The following PRKCD variants were observed in gnomAD, a reference collection of about 807,000 sequenced individuals.
PRKCD encodes protein kinase C delta type.
A neutral mutation model predicts 82.2 loss-of-function variants in PRKCD; 20 were observed. The observed-to-expected ratio is 0.24, with a 90% CI of 0.17 to 0.35. PRKCD has a LOEUF of 0.35. PRKCD is among the 10% of genes least tolerant of loss of function. PRKCD has a pLI of 1.00. For synonymous variants in PRKCD, 317 were observed against 337.0 expected (o/e 0.94, Z 0.65); for missense variants, 607 against 899.0 (o/e 0.68, Z 4.15).
At chr3:53,178,569 C>A in intron 3 of PRKCD, 32 bp downstream of exon 3, 1 of 1,571,418 alleles carries the variant, frequency 6.4e-7, no homozygotes, top group Non-Finnish European at 8.7e-7. Context: ...TGGAGAGGGG[C>A]TGGGAATCTG....
chr3:53,181,439 ACCAGAT>A lies in PRKCD; in HGVS notation c.377-4_378del. On this transcript the variant is annotated splice_acceptor_variant and splice_polypyrimidine_tract_variant and coding_sequence_variant and intron_variant, in exon 6 of 19. Transcript: ENST00000330452. LOFTEE classifies it high-confidence loss of function. ...GGGCTGACTTCCCTACTCCATGGTCACCAGATTGCAAACAGTCTATGCGCAGTGAGG... is the reference window on the plus strand; with the variant it reads ...GGGCTGACTTCCCTACTCCATGGTCATGCAAACAGTCTATGCGCAGTGAGG... 5 of 1,614,156 alleles carry A rather than the reference ACCAGAT, an allele frequency of 3.1e-6. No individual in the cohort carries two copies. The highest frequency in any genetic ancestry group is 3.4e-6 in the Non-Finnish European group (4 of 1,179,994).
At chr3:53,162,633 G>A (rs1197954659) in intron 1 of PRKCD, among the ~76,000 whole-genome samples, 2 of 151,906 alleles carry the variant, frequency 1.3e-5, no homozygotes, top group Non-Finnish European at 2.9e-5. Context: ...GTGTCCTGAG[G>A]CTCTGTGTGT....
chr3:53,170,924 T>C (rs1307189062), intron 2 of PRKCD, among the ~76,000 whole-genome samples: 1 of 150,688 alleles, frequency 6.6e-6, no homozygotes, highest in Non-Finnish European at 1.5e-5. Context: ...AGCCGGTGAG[T>C]GCATGTGTGT....
chr3:53,170,250 A>G (rs1427177494), intron 2 of PRKCD, among the ~76,000 whole-genome samples: 2 of 152,198 alleles, frequency 1.3e-5, no homozygotes, highest in African/African-American at 2.4e-5. Context: ...TGGAGGCCAG[A>G]TGGGCAGTTC....
chr3:53,178,216 G>C (rs1203333227), intron 2 of PRKCD, among the ~76,000 whole-genome samples, 188 bp from the exon 3 acceptor site: 1 of 152,152 alleles, frequency 6.6e-6, no homozygotes, highest in Non-Finnish European at 1.5e-5. Flanking sequence ...GGGATTACAG[G>C]CGTCAGCCAC....
chr3:53,179,376 G>A (rs1703335866), intron 3 of PRKCD: 7 of 732,604 alleles, frequency 9.6e-6, no homozygotes, highest in African/African-American at 3.4e-5. Flanking sequence ...AGAGGAAGAG[G>A]GAACAGCAGG....
At chr3:53,171,495 C>T (rs782357716) in intron 2 of PRKCD, among the ~76,000 whole-genome samples, 6 of 152,256 alleles carry the variant, frequency 3.9e-5, no homozygotes, top group Non-Finnish European at 7.3e-5. Flanking sequence ...TCCAGCCCCC[C>T]TCACTCCCTG....
rs897464155 is a variant in PRKCD at position 53,187,497 on chromosome 3, G to C, written c.1415+95G>C. On this transcript the variant is annotated intron_variant, in intron 15 of 18. Coordinates refer to ENST00000330452, the MANE Select transcript of PRKCD (RefSeq NM_006254.4). ...TCCAAGCAGGATCCCCCCAACTCCA[G>C]TTCCTTCTCTGCTGGAAATCAATCT... is the stretch of plus-strand genomic sequence containing the variant. 14 of 1,366,300 alleles carry C rather than the reference G, an allele frequency of 1.0e-5. No individual in the cohort carries two copies. In the African/African-American group the frequency reaches 1.4e-4, roughly 14 times the overall value. 84.6% of individuals were successfully genotyped at this position (1,366,300 alleles called of 1,614,324 possible).
rs183761907 is a variant in PRKCD, at chr3:53,169,199, G to A, written c.-20+3984G>A. Among the ~76,000 whole-genome samples the A allele has an allele frequency of 1.3e-4, 20 of 152,210 alleles. No homozygotes were observed. Among genetic ancestry groups the A allele is most frequent in the African/African-American group, 1.9e-4 (8 of 41,516 alleles). The stretch of plus-strand genomic sequence containing the variant: ...TGAGGAGCGCTGGGAGGGGAACGGC[G>A]GGGGACTGGTGTGGGCAGGCTTGAG... On this transcript the variant is annotated intron_variant, in intron 2 of 18. Coordinates refer to ENST00000330452, the MANE Select transcript of PRKCD (RefSeq NM_006254.4). The surrounding 1 kb of genome is among the most constrained non-coding windows in gnomAD (Gnocchi z 4.7).
In PRKCD at chr3:53,188,985, G is replaced by C. The variant is rs572490633; in HGVS notation, c.1555-73G>C. 3.9e-5 allele frequency: 62 copies of C among 1,571,408 alleles called. No homozygotes were observed. In the East Asian group the frequency reaches 1.3e-3, roughly 34 times the overall value. ...CCATAGGCTGAGGCGGCCTGGCTAG[G>C]CTTCGTGCCCAGGGGCCCCTCTCAG... On this transcript the variant is annotated intron_variant, in intron 16 of 18. Coordinates refer to ENST00000330452, the MANE Select transcript of PRKCD (RefSeq NM_006254.4).
intron 3 of PRKCD, 145 bp from the exon 4 acceptor site, chr3:53,179,432 C>T (rs1553666662): frequency 9.5e-7 from 1 of 1,048,132 alleles, no homozygotes; most frequent in South Asian, 1.3e-5. Context: ...CAAGGTAGTT[C>T]TGTGCTCTAG....
At position 53,183,495 on chromosome 3, in the gene PRKCD, A is replaced by G. The variant is rs140841846; in HGVS notation, c.701A>G (p.Lys234Arg). 12 of 1,614,118 alleles carry G rather than the reference A, an allele frequency of 7.4e-6. No individual in the cohort carries two copies. The highest frequency in any genetic ancestry group is 1.0e-5 in the Non-Finnish European group (12 of 1,180,034). ...AACATCGACATGCCGCACCGCTTCA[A>G]GGTTCACAACTACATGAGCCCCACC... ...RFNIDMPHRF[K>R]VHNYMSPTFC... Residue 234 changes from lysine to arginine, a missense_variant, in exon 9 of 19, where the codon AAG (lysine) becomes AGG (arginine). Lys to Arg is a conservative substitution (Grantham distance 26). This residue lies in a region of PRKCD where 109 missense variants were observed against 155.6 expected (regional missense o/e 0.70). Coordinates refer to ENST00000330452, the MANE Select transcript of PRKCD (RefSeq NM_006254.4).
chr3:53,187,683 GA>G (rs1379443060), intron 15 of PRKCD, among the ~76,000 whole-genome samples: 1 of 152,104 alleles, frequency 6.6e-6, no homozygotes, highest in East Asian at 1.9e-4. Flanking sequence ...AAGCCCCATC[GA>G]GTCATCTAAG....
At chr3:53,179,477 A>T in intron 3 of PRKCD, 100 bp from the exon 4 acceptor site, 1 of 1,483,708 alleles carries the variant, frequency 6.7e-7, no homozygotes, top group Non-Finnish European at 9.4e-7. Context: ...CCCTCAAGGC[A>T]GGAGAGTCGG....
intron 2 of PRKCD, among the ~76,000 whole-genome samples, chr3:53,172,368 C>T (rs924249499): frequency 6.6e-6 from 1 of 152,108 alleles, no homozygotes; most frequent in African/African-American, 2.4e-5. Flanking sequence ...CCACCATGCC[C>T]GGCCCCCTTG....
intron 2 of PRKCD, among the ~76,000 whole-genome samples, chr3:53,174,339 G>T (rs567332169): frequency 9.8e-5 from 15 of 152,346 alleles, no homozygotes; most frequent in African/African-American, 3.4e-4. Flanking sequence ...AGCTGGGAAA[G>T]GCCTGGCTGG....
Position 53,189,984 on chromosome 3 carries a change from CCTT to C in PRKCD, c.1856_1858del (p.Pro619_Phe620delinsLeu). On this transcript the variant is annotated inframe_deletion, in exon 18 of 19. Coordinates refer to ENST00000330452, the MANE Select transcript of PRKCD (RefSeq NM_006254.4). ...GCTGGAAAAGCGGAGGTTGGAGCCA[CCTT>C]TCAGGCCCAAAGTGGTATGTGATCC... 1.2e-6 allele frequency: 2 copies of C among 1,614,166 alleles called. No homozygotes were observed. The highest frequency in any genetic ancestry group is 1.7e-6 in the Non-Finnish European group (2 of 1,180,020).
chr3:53,162,673 G>A (rs1702710595), intron 1 of PRKCD, among the ~76,000 whole-genome samples: 1 of 149,564 alleles, frequency 6.7e-6, no homozygotes, highest in Admixed American at 6.7e-5. Context: ...ACCATTCTTG[G>A]TGTGTTTGTT....
intron 2 of PRKCD, among the ~76,000 whole-genome samples, chr3:53,166,961 G>A (rs970815568): frequency 2.6e-5 from 4 of 152,250 alleles, no homozygotes; most frequent in Non-Finnish European, 4.4e-5. Context: ...CTGGCCATGG[G>A]GCCAAGGTGC....
Sources: gnomAD v4.1 joint callset for allele counts (sites outside exome capture counted in the v4.1 genomes callset) on GRCh38, gnomAD v4.1.1 for gene constraint, gnomAD v4.1.1 regional missense constraint, Gnocchi (gnomAD v3.1) non-coding constraint, MANE v1.5 for transcripts, NCBI Gene and HGNC (gene_info 2026-07-23, HGNC 2026-07-21) for gene names.